Variants in GALNT13 observed in about 807,000 individuals in gnomAD.
GALNT13 encodes the protein UDP-GalNAc:polypeptide N-acetylgalactosaminyltransferase 13.
Under a neutral mutation model 64.2 loss-of-function variants are expected in GALNT13, and 28 were observed. The ratio of observed to expected loss-of-function variants is 0.44; its 90% CI spans 0.32 to 0.60. The LOEUF is 0.60. GALNT13 is among the 20% of genes least tolerant of loss of function. GALNT13 has a pLI of 0.05. For missense variants in GALNT13, 577 were observed against 669.8 expected (o/e 0.86, Z 1.53); for synonymous variants, 214 against 224.6 (o/e 0.95, Z 0.42).
the GALNT13 span, among the ~76,000 whole-genome samples, chr2:153,431,480 G>C: frequency 1.3e-5 from 2 of 152,200 alleles, no homozygotes; most frequent in Admixed American, 6.5e-5. Context: ...CACTTGGCTT[G>C]ATTTAAATTA....
chr2:153,660,224 A>T, the GALNT13 span, among the ~76,000 whole-genome samples: 2 of 152,152 alleles, frequency 1.3e-5, no homozygotes, highest in Admixed American at 6.6e-5. Context: ...ATGATATTTG[A>T]TCAGAGTTCT....
At chr2:153,806,703 A>G in the GALNT13 span, among the ~76,000 whole-genome samples, 1 of 151,060 alleles carries the variant, frequency 6.6e-6, no homozygotes, top group African/African-American at 2.4e-5. Context: ...AAAAATAGGC[A>G]GAGGAACATA....
At chr2:153,216,649 A>G in the GALNT13 span, among the ~76,000 whole-genome samples, 2 of 151,770 alleles carry the variant, frequency 1.3e-5, no homozygotes, top group East Asian at 1.9e-4. Context: ...TTAATATTGG[A>G]TTTTTGTTTT....
At chr2:153,218,692 T>G in the GALNT13 span, among the ~76,000 whole-genome samples, 1 of 152,230 alleles carries the variant, frequency 6.6e-6, no homozygotes, top group African/African-American at 2.4e-5. Flanking sequence ...GAAGAGCTTA[T>G]AAGTAGTTGT....
At chr2:153,929,844 A>G (rs527923226) in intron 2 of GALNT13, among the ~76,000 whole-genome samples, 9 of 152,294 alleles carry the variant, frequency 5.9e-5, no homozygotes, top group African/African-American at 2.2e-4. Flanking sequence ...AATGATTTAT[A>G]TTCCTTTGGG....
At chr2:153,520,160 TTTGAG>T in the GALNT13 span, among the ~76,000 whole-genome samples, 1 of 152,210 alleles carries the variant, frequency 6.6e-6, no homozygotes, top group Non-Finnish European at 1.5e-5. Context: ...TAACAACATA[TTTGAG>T]TTATTTATTT....
chr2:153,899,937 T>TATA, intron 1 of GALNT13, among the ~76,000 whole-genome samples: 5 of 93,756 alleles, frequency 5.3e-5, no homozygotes, highest in East Asian at 9.4e-4. Flanking sequence ...ATATATATAT[T>TATA]TTTTTTTTTT....
chr2:153,514,532 A>G, the GALNT13 span, among the ~76,000 whole-genome samples: 2 of 152,162 alleles, frequency 1.3e-5, no homozygotes, highest in Middle Eastern at 6.3e-3. Context: ...CTGCTCCTGC[A>G]GGAGAGTTGA....
At chr2:153,810,395 G>A in the GALNT13 span, among the ~76,000 whole-genome samples, 4 of 152,106 alleles carry the variant, frequency 2.6e-5, no homozygotes, top group African/African-American at 4.8e-5. Flanking sequence ...TTAAATTACT[G>A]GTATCTACAT....
the GALNT13 span, among the ~76,000 whole-genome samples, chr2:153,286,387 T>A: frequency 6.6e-6 from 1 of 152,208 alleles, no homozygotes; most frequent in African/African-American, 2.4e-5. Context: ...AGCTTTCTCA[T>A]GTTCACACAG....
intron 3 of GALNT13, among the ~76,000 whole-genome samples, chr2:153,982,076 C>A (rs1694504759): frequency 6.6e-6 from 1 of 152,126 alleles, no homozygotes; most frequent in Non-Finnish European, 1.5e-5. Context: ...CTCTTTCAAA[C>A]TGACACTCAA....
intron 3 of GALNT13, among the ~76,000 whole-genome samples, chr2:154,057,021 TTTTTA>T (rs907605727): frequency 2.6e-5 from 4 of 151,886 alleles, no homozygotes; most frequent in Admixed American, 6.6e-5. Flanking sequence ...AAACTTTTTA[TTTTTA>T]TTTTATTTTA....
the GALNT13 span, among the ~76,000 whole-genome samples, chr2:153,564,958 T>C: frequency 6.6e-6 from 1 of 152,140 alleles, no homozygotes; most frequent in Non-Finnish European, 1.5e-5. Flanking sequence ...TAGAAAACTA[T>C]AGGCAGCCTT....
chr2:153,076,063 C>T, the GALNT13 span, among the ~76,000 whole-genome samples: 1 of 151,914 alleles, frequency 6.6e-6, no homozygotes, highest in African/African-American at 2.4e-5. Context: ...ACAATAATGC[C>T]ATTGATAGCT....
intron 4 of GALNT13, among the ~76,000 whole-genome samples, chr2:154,186,366 A>G (rs1165297685): frequency 2.0e-5 from 3 of 152,094 alleles, no homozygotes; most frequent in African/African-American, 7.2e-5. Flanking sequence ...GGCAACCATT[A>G]TATTTACGTA....
the GALNT13 span, among the ~76,000 whole-genome samples, chr2:153,770,954 G>A: frequency 1.3e-5 from 2 of 152,304 alleles, no homozygotes; most frequent in South Asian, 2.1e-4. Context: ...TAAGTTCTCT[G>A]CATGGGAAGG....
intron 3 of GALNT13, among the ~76,000 whole-genome samples, chr2:154,094,628 T>G (rs1266139456): frequency 1.3e-5 from 2 of 152,016 alleles, no homozygotes; most frequent in Non-Finnish European, 2.9e-5. Flanking sequence ...TATTTTTGTC[T>G]CCTTCCAAAC....
chr2:153,727,568 G>T, the GALNT13 span, among the ~76,000 whole-genome samples: 27 of 152,020 alleles, frequency 1.8e-4, no homozygotes, highest in Admixed American at 1.8e-3. Context: ...TTTACCAATT[G>T]CCATCCATAC....
At chr2:153,243,324 C>G in the GALNT13 span, among the ~76,000 whole-genome samples, 3 of 152,178 alleles carry the variant, frequency 2.0e-5, no homozygotes, top group Admixed American at 2.0e-4. Flanking sequence ...TTCTAGGGAT[C>G]TGTTTTACCT....
Sources: gnomAD v4.1 joint callset for allele counts (sites outside exome capture counted in the v4.1 genomes callset) on GRCh38, gnomAD v4.1.1 for gene constraint, MANE v1.5 for transcripts, NCBI Gene and HGNC (gene_info 2026-07-23, HGNC 2026-07-21) for gene names.